Variants in MMRN1 observed in about 807,000 individuals in gnomAD.
MMRN1 encodes multimerin-1.
A neutral mutation model predicts 100.7 loss-of-function variants in MMRN1; 94 were observed. The ratio of observed to expected loss-of-function variants is 0.93; its 90% CI spans 0.79 to 1.11. MMRN1 has a LOEUF of 1.11. MMRN1 is among the 50% of genes least tolerant of loss of function. The probability of loss-of-function intolerance (pLI) is 0.00; values close to 1 mark genes in which losing one functional copy is unlikely to be tolerated. For synonymous variants in MMRN1, 575 were observed against 505.0 expected (o/e 1.14, Z -1.86); for missense variants, 1,606 against 1,439.1 (o/e 1.12, Z -1.88).
chr4:89,910,499 G>A (rs75473837), intron 2 of MMRN1, among the ~76,000 whole-genome samples: 398 of 150,666 alleles, frequency 2.6e-3, no homozygotes, highest in South Asian at 0.016. Flanking sequence ...TTTAATACTC[G>A]TGTCATAATT....
intron 1 of MMRN1, among the ~76,000 whole-genome samples, chr4:89,888,205 T>C (rs1306118067): frequency 6.6e-6 from 1 of 152,044 alleles, no homozygotes; most frequent in Non-Finnish European, 1.5e-5. Context: ...TGGGTTTCTC[T>C]AGTATATCTT....
chr4:89,920,160 A>T lies in MMRN1; in HGVS notation c.851-3008A>T, dbSNP rs1722043409. 2.0e-5 allele frequency among the ~76,000 whole-genome samples: 3 copies of T among 152,270 alleles called. No individual in the cohort carries two copies. In the South Asian group the frequency reaches 6.2e-4, roughly 32 times the overall value. ...ATTTGTATAACTCAGCTTGTCAGTT[A>T]TTGGACTTCAGCATTATATATTTGC... is the stretch of plus-strand genomic sequence containing the variant. On this transcript the variant is annotated intron_variant, in intron 3 of 7. Coordinates refer to ENST00000264790, the MANE Select transcript of MMRN1 (RefSeq NM_007351.3).
chr4:89,916,796 A>C (rs1362979172), intron 3 of MMRN1, among the ~76,000 whole-genome samples: 1 of 151,466 alleles, frequency 6.6e-6, no homozygotes. Context: ...TATCTCCCGC[A>C]TATCACTGTC....
rs28452793 is a variant in MMRN1 at position 89,899,742 on chromosome 4, G to T, written c.623+4148G>T. On this transcript the variant is annotated intron_variant, in intron 1 of 7. Transcript: ENST00000264790. ...ACTAGAAACCTTGGATAGATCTTTG[G>T]CATTTTTCTCTCCCTTCTGGTTTTT... Among the ~76,000 whole-genome samples, 344 of 152,040 alleles carry T rather than the reference G, an allele frequency of 2.3e-3. 2 individuals are homozygous for T. Among genetic ancestry groups the T allele is most frequent in the African/African-American group, 8.1e-3 (338 of 41,496 alleles).
intron 3 of MMRN1, among the ~76,000 whole-genome samples, chr4:89,921,765 C>A (rs1368613993): frequency 6.6e-6 from 1 of 152,136 alleles, no homozygotes; most frequent in Non-Finnish European, 1.5e-5. Flanking sequence ...TAATTTAGCT[C>A]AATGCCCTGA....
chr4:89,931,843 A>G (rs1356994070), intron 5 of MMRN1, among the ~76,000 whole-genome samples: 1 of 152,114 alleles, frequency 6.6e-6, no homozygotes, highest in Non-Finnish European at 1.5e-5. Context: ...GGAAGCTACA[A>G]TTCAAAATGA....
chr4:89,933,845 T>G (rs1722519974), intron 5 of MMRN1, among the ~76,000 whole-genome samples: 1 of 152,216 alleles, frequency 6.6e-6, no homozygotes, highest in African/African-American at 2.4e-5. Context: ...TGAATTTGAA[T>G]GGACATATCT....
intron 1 of MMRN1, among the ~76,000 whole-genome samples, chr4:89,887,317 C>T (rs1241670989): frequency 6.6e-6 from 1 of 151,890 alleles, no homozygotes; most frequent in Non-Finnish European, 1.5e-5. Flanking sequence ...TTAAATGAAA[C>T]CACCAAAAAT....
chr4:89,890,315 A>G (rs970143427), upstream of MMRN1, among the ~76,000 whole-genome samples: 2 of 150,706 alleles, frequency 1.3e-5, no homozygotes, highest in Non-Finnish European at 2.9e-5. Flanking sequence ...TTCCAGGCTG[A>G]CAATTCTCTA....
At chr4:89,947,888 C>T (rs1277032759) in intron 6 of MMRN1, among the ~76,000 whole-genome samples, 1 of 151,988 alleles carries the variant, frequency 6.6e-6, no homozygotes, top group Non-Finnish European at 1.5e-5. Flanking sequence ...AGTCTCACTC[C>T]GTCGCCCAGG....
rs567313286 is a variant in MMRN1 at position 89,881,458 on chromosome 4, C to T, written c.-249+1856C>T. 8.6e-5 allele frequency among the ~76,000 whole-genome samples: 13 copies of T among 152,044 alleles called. 1 individual carries two copies. The East Asian group carries it at 2.5e-3, about 29-fold the overall frequency. The stretch of plus-strand genomic sequence containing the variant: ...GTACTTGTTTTGTTAAAAATGATTT[C>T]TTCTAACTGTAAAAGCAGGTGTTCT... On this transcript the variant is annotated intron_variant, in intron 1 of 8. Transcript: ENST00000394980.
At chr4:89,941,136 A>T (rs906345123) in intron 6 of MMRN1, among the ~76,000 whole-genome samples, 1 of 152,192 alleles carries the variant, frequency 6.6e-6, no homozygotes, top group East Asian at 1.9e-4. Context: ...CTAATAGGTT[A>T]TCTTCTGTAC....
intron 1 of MMRN1, among the ~76,000 whole-genome samples, chr4:89,897,521 A>G (rs1578465470): frequency 2.0e-5 from 3 of 152,224 alleles, no homozygotes; most frequent in African/African-American, 7.2e-5. Flanking sequence ...ATTTTTTAAT[A>G]GAAAGGGAAA....
chr4:89,931,531 C>G (rs1722433518), intron 5 of MMRN1, among the ~76,000 whole-genome samples: 1 of 151,886 alleles, frequency 6.6e-6, no homozygotes, highest in South Asian at 2.1e-4. Context: ...TTGTGTTAGT[C>G]CATTTTCATA....
intron 6 of MMRN1, among the ~76,000 whole-genome samples, chr4:89,947,132 A>C (rs559598245): frequency 6.6e-6 from 1 of 152,058 alleles, no homozygotes; most frequent in African/African-American, 2.4e-5. Context: ...AAATACAAAA[A>C]ATAGCCTGGC....
upstream of MMRN1, among the ~76,000 whole-genome samples, chr4:89,892,672 C>T (rs1221364716): frequency 6.6e-6 from 1 of 151,818 alleles, no homozygotes; most frequent in Admixed American, 6.6e-5. Flanking sequence ...ATTTCAGGGT[C>T]CCTTGTAAGC....
intron 1 of MMRN1, among the ~76,000 whole-genome samples, chr4:89,886,711 T>A (rs1347545653): frequency 1.3e-5 from 2 of 152,176 alleles, no homozygotes; most frequent in Non-Finnish European, 2.9e-5. Context: ...TTTATTTTTT[T>A]ATTTTTTATT....
chr4:89,936,885 A>G, intron 6 of MMRN1, 87 bp downstream of exon 6: 1 of 1,223,402 alleles, frequency 8.2e-7, no homozygotes, highest in South Asian at 1.7e-5. Flanking sequence ...AAGACCATTA[A>G]ACATAAAACT....
At chr4:89,900,012 A>G (rs535387828) in intron 1 of MMRN1, among the ~76,000 whole-genome samples, 1 of 152,216 alleles carries the variant, frequency 6.6e-6, no homozygotes, top group African/African-American at 2.4e-5. Flanking sequence ...GGTACTAATC[A>G]GAAGGAAAAG....
Sources: gnomAD v4.1 joint callset for allele counts (sites outside exome capture counted in the v4.1 genomes callset) on GRCh38, gnomAD v4.1.1 for gene constraint, MANE v1.5 for transcripts, NCBI Gene and HGNC (gene_info 2026-07-23, HGNC 2026-07-21) for gene names.